The following TENT5D variants were observed in gnomAD, a reference collection of about 807,000 sequenced individuals.
The protein encoded by TENT5D is terminal nucleotidyltransferase 5D.
For synonymous variants in TENT5D, 103 were observed against 100.6 expected, an observed-to-expected ratio of 1.02 and a Z score of -0.15; for missense variants, 191 against 287.0, an observed-to-expected ratio of 0.67 and a Z score of 2.42.
intron 3 of TENT5D, among the ~76,000 whole-genome samples, chrX:80,359,614 C>T (rs1930364298): frequency 9.1e-6 from 1 of 110,384 alleles, no homozygotes; most frequent in Non-Finnish European, 1.9e-5. Context: ...GGGAGGGGAA[C>T]ATCACACACC....
At chrX:80,336,839 T>C (rs752918130) in intron 2 of TENT5D, among the ~76,000 whole-genome samples, 18 of 112,295 alleles carry the variant, frequency 1.6e-4, no homozygotes, top group Non-Finnish European at 3.2e-4. Flanking sequence ...ATCAGTTTTT[T>C]AGTAAAATTA....
intron 3 of TENT5D, among the ~76,000 whole-genome samples, chrX:80,378,659 C>T (rs1275475868): frequency 1.8e-5 from 2 of 110,950 alleles, no homozygotes; most frequent in African/African-American, 3.3e-5. Flanking sequence ...GGTAGCAGTA[C>T]CATGCTGTTT....
intron 3 of TENT5D, among the ~76,000 whole-genome samples, chrX:80,407,673 T>G (rs1418112256): frequency 9.3e-6 from 1 of 107,698 alleles, no homozygotes; most frequent in Non-Finnish European, 1.9e-5. Flanking sequence ...CACCCCACTG[T>G]CAACATTAGA....
At chrX:80,363,132 A>C (rs1049240857) in intron 3 of TENT5D, among the ~76,000 whole-genome samples, 1 of 111,919 alleles carries the variant, frequency 8.9e-6, no homozygotes, top group African/African-American at 3.2e-5. Flanking sequence ...ATTCTTATTC[A>C]AAATTTATTT....
chrX:80,355,804 C>T (rs1237018528), intron 3 of TENT5D, among the ~76,000 whole-genome samples: 4 of 111,871 alleles, frequency 3.6e-5, no homozygotes, highest in Non-Finnish European at 7.5e-5. Flanking sequence ...TTCCAAAGAT[C>T]CGTTAGGAGT....
intron 3 of TENT5D, among the ~76,000 whole-genome samples, chrX:80,372,703 A>G (rs1478891637): frequency 9.1e-5 from 10 of 109,627 alleles, no homozygotes; most frequent in Non-Finnish European, 1.5e-4. Flanking sequence ...CCTGACCAAC[A>G]TGGTGAAACC....
At position 80,441,534 on chromosome X, in the gene TENT5D, C is replaced by T. The variant is rs893858070; in HGVS notation, c.-18-988C>T. 9.9e-5 allele frequency among the ~76,000 whole-genome samples: 11 copies of T among 111,163 alleles called. 1 individual carries two copies. The highest frequency in any genetic ancestry group is 5.8e-4 in the Admixed American group (6 of 10,363). ...TATTTCTGGAAGTCAGGAACAAATG[C>T]CTAACCCCAAAACTATGTCCATGTT... On this transcript the variant is annotated intron_variant, in intron 2 of 2. Transcript: ENST00000308293.
chrX:80,401,614 A>G (rs953571311), intron 3 of TENT5D, among the ~76,000 whole-genome samples: 1 of 111,930 alleles, frequency 8.9e-6, no homozygotes, highest in Non-Finnish European at 1.9e-5. Flanking sequence ...TGTATTTACT[A>G]TAAAAGGATG....
chrX:80,397,028 G>C lies in TENT5D; in HGVS notation c.-141-41582G>C, dbSNP rs1373015386. On this transcript the variant is annotated intron_variant, in intron 3 of 4. Coordinates refer to the TENT5D transcript ENST00000538312. The stretch of plus-strand genomic sequence containing the variant: ...GGACGGGGCGTCTGGCCGGGGGGGG[G>C]GCTGACCCCCACCTCCCTCCCAGAC... Among the ~76,000 whole-genome samples the C allele has an allele frequency of 8.4e-5, 8 of 95,718 alleles. No individual in the cohort carries two copies. In the East Asian group the frequency reaches 2.5e-3, roughly 30 times the overall value. 83.1% of individuals were successfully genotyped at this position (95,718 alleles called of 115,157 possible). A position where few individuals can be genotyped will look rare whatever the true frequency, so the allele number is the denominator to read the frequency against.
chrX:80,351,902 C>G (rs191866129), intron 3 of TENT5D, among the ~76,000 whole-genome samples: 1 of 111,991 alleles, frequency 8.9e-6, no homozygotes, highest in African/African-American at 3.2e-5. Context: ...CTGACAGGCC[C>G]CTCTTCTGCA....
chrX:80,342,537 T>C (rs1342348377), exon 3 of TENT5D: 3 of 112,553 alleles, frequency 2.7e-5, no homozygotes, highest in Non-Finnish European at 5.6e-5. Context: ...ACTTCTCATC[T>C]ATCTAACTGG....
At chrX:80,366,660 A>G (rs1930517489) in intron 3 of TENT5D, among the ~76,000 whole-genome samples, 1 of 111,381 alleles carries the variant, frequency 9.0e-6, no homozygotes, top group African/African-American at 3.3e-5. Flanking sequence ...AATACTCACT[A>G]CACATTTTCC....
intron 2 of TENT5D, among the ~76,000 whole-genome samples, chrX:80,440,222 G>C (rs575648153): frequency 3.6e-5 from 4 of 111,671 alleles, no homozygotes; most frequent in African/African-American, 1.3e-4. Context: ...TAATTAAGTG[G>C]CAATTGGAAA....
At chrX:80,410,245 G>C (rs1210271083) in intron 3 of TENT5D, among the ~76,000 whole-genome samples, 2 of 107,885 alleles carry the variant, frequency 1.9e-5, no homozygotes, top group Admixed American at 1.0e-4. Context: ...TGACAAATGG[G>C]ATCTAATTAA....
chrX:80,387,995 C>G (rs926491136), intron 3 of TENT5D, among the ~76,000 whole-genome samples: 7 of 111,407 alleles, frequency 6.3e-5, no homozygotes, highest in Non-Finnish European at 1.3e-4. Context: ...AGAGCAGTCT[C>G]CCCTGCTGGC....
chrX:80,368,118 A>G (rs749275042), intron 3 of TENT5D, among the ~76,000 whole-genome samples: 13 of 111,973 alleles, frequency 1.2e-4, no homozygotes, highest in South Asian at 3.7e-4. Context: ...TATATACACT[A>G]TGTACCCATA....
intron 3 of TENT5D, among the ~76,000 whole-genome samples, chrX:80,356,379 A>G (rs1930284374): frequency 8.9e-6 from 1 of 111,870 alleles, no homozygotes; most frequent in East Asian, 2.8e-4. Context: ...TTCAAACAAA[A>G]TGACGAGTGT....
At chrX:80,407,489 CA>C (rs1931528273) in intron 3 of TENT5D, among the ~76,000 whole-genome samples, 1 of 108,460 alleles carries the variant, frequency 9.2e-6, no homozygotes, top group South Asian at 4.1e-4. Context: ...CAACAAAAAT[CA>C]AAAGAGACAA....
At chrX:80,382,214 C>T (rs955946128) in intron 3 of TENT5D, among the ~76,000 whole-genome samples, 5 of 112,034 alleles carry the variant, frequency 4.5e-5, no homozygotes. Context: ...AGTCAGGTCC[C>T]TCAGCTGCAG....
Sources: gnomAD v4.1 joint callset for allele counts (sites outside exome capture counted in the v4.1 genomes callset) on GRCh38, gnomAD v4.1.1 for gene constraint, MANE v1.5 for transcripts, NCBI Gene and HGNC (gene_info 2026-07-23, HGNC 2026-07-21) for gene names.